Variants in ITFG1 observed in about 807,000 individuals in gnomAD.
The protein encoded by ITFG1 is T-cell immunomodulatory protein.
Under a neutral mutation model 81.8 loss-of-function variants are expected in ITFG1, and 34 were observed. The observed-to-expected ratio is 0.42, with a 90% CI of 0.32 to 0.55. The LOEUF is 0.55. Ranked by LOEUF, ITFG1 falls within the 20% of genes least tolerant of loss-of-function variation. The probability of loss-of-function intolerance (pLI) is 0.17; values close to 1 mark genes in which losing one functional copy is unlikely to be tolerated. For missense variants in ITFG1, 672 were observed against 755.4 expected (o/e 0.89, Z 1.29); for synonymous variants, 285 against 270.6 (o/e 1.05, Z -0.52).
chr16:47,453,595 C>A (rs2065040453), intron 3 of ITFG1, among the ~76,000 whole-genome samples: 2 of 152,206 alleles, frequency 1.3e-5, no homozygotes, highest in Admixed American at 6.5e-5. Flanking sequence ...AGACCAGGTG[C>A]AGCATTCATT....
chr16:47,425,111 C>A (rs181745367), intron 6 of ITFG1, among the ~76,000 whole-genome samples: 1 of 152,072 alleles, frequency 6.6e-6, no homozygotes, highest in African/African-American at 2.4e-5. Context: ...GCTTCCAGGC[C>A]GCTTTGTTTA....
intron 6 of ITFG1, among the ~76,000 whole-genome samples, chr16:47,393,662 T>C (rs1393778674): frequency 1.3e-5 from 2 of 151,184 alleles, no homozygotes; most frequent in South Asian, 2.1e-4. Context: ...ACTCAGGAGG[T>C]GGAGGTTGCA....
At chr16:47,409,412 T>TCA (rs1968779728) in intron 6 of ITFG1, among the ~76,000 whole-genome samples, 1 of 45,004 alleles carries the variant, frequency 2.2e-5, no homozygotes, top group Non-Finnish European at 4.1e-5. Flanking sequence ...ATATTTTTTT[T>TCA]TTTTTTTTTT....
intron 14 of ITFG1, among the ~76,000 whole-genome samples, chr16:47,197,594 C>CG (rs1419157991): frequency 6.6e-6 from 1 of 152,224 alleles, no homozygotes; most frequent in Non-Finnish European, 1.5e-5. Flanking sequence ...GAATGTTCCC[C>CG]GGGCCATGGT....
At chr16:47,389,311 T>C (rs1052396281) in intron 6 of ITFG1, among the ~76,000 whole-genome samples, 1 of 152,168 alleles carries the variant, frequency 6.6e-6, no homozygotes, top group Non-Finnish European at 1.5e-5. Context: ...CCTTCTCCTT[T>C]CTTAACTGAT....
intron 14 of ITFG1, among the ~76,000 whole-genome samples, chr16:47,217,658 C>T (rs1237939743): frequency 6.6e-6 from 1 of 152,230 alleles, no homozygotes; most frequent in African/African-American, 2.4e-5. Flanking sequence ...GGTGCAGTGG[C>T]TCACGCCTGT....
At chr16:47,219,725 A>G (rs1268867709) in intron 13 of ITFG1, among the ~76,000 whole-genome samples, 1 of 152,208 alleles carries the variant, frequency 6.6e-6, no homozygotes, top group Non-Finnish European at 1.5e-5. Flanking sequence ...TAGGCTACTG[A>G]TGCTTTAAAA....
intron 12 of ITFG1, among the ~76,000 whole-genome samples, chr16:47,248,651 T>A (rs985497711): frequency 6.6e-6 from 1 of 152,178 alleles, no homozygotes; most frequent in African/African-American, 2.4e-5. Flanking sequence ...TCATCACCTG[T>A]GCTTCAGTTA....
chr16:47,237,918 C>T (rs1341493666), intron 13 of ITFG1, 47 bp downstream of exon 13: 3 of 815,566 alleles, frequency 3.7e-6, no homozygotes, highest in South Asian at 3.1e-5. Flanking sequence ...TCTACTTATA[C>T]ATAGAATTTT....
At chr16:47,352,353 A>C (rs1967972483) in intron 8 of ITFG1, among the ~76,000 whole-genome samples, 1 of 152,212 alleles carries the variant, frequency 6.6e-6, no homozygotes, top group African/African-American at 2.4e-5. Flanking sequence ...AACTCAAACA[A>C]ATTTACAAGG....
At chr16:47,446,365 A>G (rs1969324772) in intron 5 of ITFG1, among the ~76,000 whole-genome samples, 1 of 152,228 alleles carries the variant, frequency 6.6e-6, no homozygotes. Flanking sequence ...AGGACCTCTC[A>G]GCAATAATGT....
At chr16:47,296,474 C>T (rs938850787) in intron 10 of ITFG1, among the ~76,000 whole-genome samples, 1 of 152,048 alleles carries the variant, frequency 6.6e-6, no homozygotes, top group Non-Finnish European at 1.5e-5. Flanking sequence ...CTGGCTCTGT[C>T]GCCCAGGCTG....
At chr16:47,212,342 T>C (rs910237708) in intron 14 of ITFG1, among the ~76,000 whole-genome samples, 4 of 152,138 alleles carry the variant, frequency 2.6e-5, no homozygotes, top group African/African-American at 9.7e-5. Flanking sequence ...GCCTCCTGAA[T>C]TGCTGGGACT....
At chr16:47,237,523 T>G (rs1965890042) in intron 13 of ITFG1, among the ~76,000 whole-genome samples, 1 of 152,236 alleles carries the variant, frequency 6.6e-6, no homozygotes, top group Non-Finnish European at 1.5e-5. Flanking sequence ...ACTGAAACAT[T>G]CTATTAGACA....
Position 47,452,766 on chromosome 16 carries a change from T to A in ITFG1, c.452A>T (p.Asn151Ile), listed in dbSNP as rs1356261080. ...TAGTGGCTCATCTTGAAAAGTCCTATTGAGTATGGTCATATTGTTAGGATC... is the reference window on the plus strand; with the variant it reads ...TAGTGGCTCATCTTGAAAAGTCCTAATGAGTATGGTCATATTGTTAGGATC... Reference protein sequence around the residue: ...TLDPNNMTILNRTFQDEPLIM... With the variant: ...TLDPNNMTILIRTFQDEPLIM... Residue 151 changes from asparagine to isoleucine, a missense_variant, in exon 4 of 18, where the codon AAT (asparagine) becomes ATT (isoleucine). Transcript: ENST00000320640. The A allele has an allele frequency of 6.3e-7, 1 of 1,582,420 alleles. No homozygotes were observed. Among genetic ancestry groups the A allele is most frequent in the East Asian group, 2.3e-5 (1 of 43,896 alleles).
At chr16:47,397,588 G>C (rs974353873) in intron 6 of ITFG1, among the ~76,000 whole-genome samples, 4 of 152,182 alleles carry the variant, frequency 2.6e-5, no homozygotes, top group Non-Finnish European at 4.4e-5. Context: ...GGTTGCTACA[G>C]GTATTCAGAT....
At chr16:47,227,593 C>G (rs1046369675) in intron 13 of ITFG1, among the ~76,000 whole-genome samples, 1 of 152,068 alleles carries the variant, frequency 6.6e-6, no homozygotes, top group African/African-American at 2.4e-5. Context: ...GTTGGAATAC[C>G]TCTGTTTTCT....
intron 14 of ITFG1, among the ~76,000 whole-genome samples, chr16:47,188,495 CAG>C: frequency 6.6e-6 from 1 of 150,566 alleles, no homozygotes; most frequent in Non-Finnish European, 1.5e-5. Context: ...TCATCATTCT[CAG>C]TAAACTATTG....
intron 6 of ITFG1, among the ~76,000 whole-genome samples, chr16:47,421,305 CATACAT>C (rs1968945449): frequency 7.0e-6 from 1 of 143,390 alleles, no homozygotes; most frequent in Non-Finnish European, 1.5e-5. Flanking sequence ...CACACACACA[CATACAT>C]ATTTTTTTTT....
Sources: gnomAD v4.1 joint callset for allele counts (sites outside exome capture counted in the v4.1 genomes callset) on GRCh38, gnomAD v4.1.1 for gene constraint, MANE v1.5 for transcripts, NCBI Gene and HGNC (gene_info 2026-07-23, HGNC 2026-07-21) for gene names.